EEF2: variants seen among roughly 807,000 people sequenced by gnomAD.
EEF2 encodes eukaryotic translation elongation factor 2.
EEF2 carries 21 observed loss-of-function variants against 85.3 expected under a neutral mutation model. The observed-to-expected ratio is 0.25, with a 90% CI of 0.17 to 0.35. The LOEUF is 0.35. Among genes scored for constraint, EEF2 ranks in the 10% least tolerant of loss-of-function variants. The pLI is 1.00. For missense variants in EEF2, 825 were observed against 1,225.3 expected, an observed-to-expected ratio of 0.67 and a Z score of 4.88; for synonymous variants, 723 against 508.8, an observed-to-expected ratio of 1.42 and a Z score of -5.67.
chr19:3,976,756 G>C lies in EEF2; in HGVS notation c.2384-9C>G. 1 of 1,546,416 alleles carries C rather than the reference G, an allele frequency of 6.5e-7. No individual in the cohort carries two copies. Among genetic ancestry groups the C allele is most frequent in the South Asian group, 1.2e-5 (1 of 82,820 alleles). ...CAGGTCAGCGGTGAAGCCTGCAGAG[G>C]GAAGCGAGAGGCTCACTGGGCCATC... On this transcript the variant is annotated splice_polypyrimidine_tract_variant and intron_variant, in intron 14 of 14. Coordinates refer to ENST00000309311, the MANE Select transcript of EEF2 (RefSeq NM_001961.4).
chr19:3,980,740 T>C, intron 8 of EEF2, 31 bp from the exon 9 acceptor site: 2 of 1,607,932 alleles, frequency 1.2e-6, no homozygotes, highest in East Asian at 2.2e-5. Context: ...GCAAGCTTTA[T>C]TCCAGTGCAG....
Position 3,983,873 on chromosome 19 carries a change from T to C in EEF2, c.218+263A>G, listed in dbSNP as rs80168688. The C allele has an allele frequency of 1.4e-3, 747 of 523,420 alleles. 9 individuals are homozygous for C. The East Asian group carries it at 0.015, about 11-fold the overall frequency. The allele number at this position is 523,420 out of a possible 1,614,324, so 32.4% of individuals were successfully genotyped here. On this transcript the variant is annotated intron_variant, in intron 2 of 14. Coordinates refer to ENST00000309311, the MANE Select transcript of EEF2 (RefSeq NM_001961.4). Reference sequence around the variant, plus strand: ...GACAGCCAAACCTCTCCAGATATTGTAGGAGTGGGGGCAAGTCCCCCAGGG... The same window carrying C: ...GACAGCCAAACCTCTCCAGATATTGCAGGAGTGGGGGCAAGTCCCCCAGGG...
chr19:3,985,394 G>T lies in EEF2; in HGVS notation c.-14C>A. The stretch of plus-strand genomic sequence containing the variant: ...GTTACTCACCATGGTGGCGGATGGC[G>T]GTGGATTCTCCCAGGTAGAACCGAA... On this transcript the variant is annotated 5_prime_UTR_variant, in exon 1 of 15. Coordinates refer to ENST00000309311, the MANE Select transcript of EEF2 (RefSeq NM_001961.4). The T allele has an allele frequency of 6.6e-7, 1 of 1,510,940 alleles. No homozygotes were observed. The highest frequency in any genetic ancestry group is 2.7e-5 in the East Asian group (1 of 37,290). The allele number at this position is 1,510,940 out of a possible 1,614,324, so 93.6% of individuals were successfully genotyped here. A position where few individuals can be genotyped will look rare whatever the true frequency, so the allele number is the denominator to read the frequency against.
intron 2 of EEF2, 182 bp downstream of exon 2, chr19:3,983,954 C>T (rs2039788090): frequency 4.5e-6 from 3 of 662,976 alleles, no homozygotes; most frequent in Middle Eastern, 4.2e-4. Flanking sequence ...GCTCGCAGTA[C>T]CCCGAATCCC....
At chr19:3,983,052 C>T in intron 3 of EEF2, 34 bp from the exon 4 acceptor site, 2 of 1,611,526 alleles carry the variant, frequency 1.2e-6, no homozygotes, top group Non-Finnish European at 1.7e-6. Flanking sequence ...GCGCTGTCAT[C>T]CTCAAGCAAG....
At chr19:3,985,322 G>T in intron 1 of EEF2, 56 bp downstream of exon 1, 2 of 1,408,974 alleles carry the variant, frequency 1.4e-6, no homozygotes, top group Non-Finnish European at 1.9e-6. Flanking sequence ...AGGCAGCGTA[G>T]GCCCCGCGGA....
At chr19:3,981,633 C>G (rs2039748574) in intron 6 of EEF2, among the ~76,000 whole-genome samples, 181 bp from the exon 7 acceptor site, 1 of 152,202 alleles carries the variant, frequency 6.6e-6, no homozygotes. Flanking sequence ...GAGGAAACCT[C>G]GTGGTGGAGC....
intron 11 of EEF2, 49 bp downstream of exon 11, chr19:3,979,280 G>A (rs776878393): frequency 4.1e-6 from 6 of 1,455,726 alleles, no homozygotes; most frequent in South Asian, 3.4e-5. Context: ...AAAGCAGAGG[G>A]CAGGTGTCCG....
intron 7 of EEF2, 132 bp from the exon 8 acceptor site, chr19:3,981,111 G>T (rs2039740441): frequency 7.1e-7 from 1 of 1,412,362 alleles, no homozygotes; most frequent in South Asian, 1.4e-5. Flanking sequence ...GTCCCTTCTG[G>T]AAGGCGGCAA....
In EEF2 at chr19:3,976,443, G is replaced by GGGGAGCGTCGCTGTGTC. The variant is rs1278648617; in HGVS notation, c.*94_*110dup. On this transcript the variant is annotated 3_prime_UTR_variant, in exon 15 of 15. Coordinates refer to ENST00000309311, the MANE Select transcript of EEF2 (RefSeq NM_001961.4). ...CGCAGCGGGCCCCAGAAACCTCTCA[G>GGGGAGCGTCGCTGTGTC]GGGAGCGTCGCTGTGTCGGGACAGT... The GGGGAGCGTCGCTGTGTC allele has an allele frequency of 1.5e-4, 191 of 1,289,166 alleles. No homozygotes were observed. Among genetic ancestry groups the GGGGAGCGTCGCTGTGTC allele is most frequent in the Middle Eastern group, 1.3e-3 (5 of 3,840 alleles). The allele number at this position is 1,289,166 out of a possible 1,614,324, so 79.9% of individuals were successfully genotyped here.
Position 3,977,164 on chromosome 19 carries a change from C to G in EEF2, c.2383+51G>C, listed in dbSNP as rs553260662. Reference sequence around the variant, plus strand: ...TTGCTAAGCTTAACTGGGCTTCTGTCCCCCAAACCAGCCTGCCAGGCTCTG... The same window carrying G: ...TTGCTAAGCTTAACTGGGCTTCTGTGCCCCAAACCAGCCTGCCAGGCTCTG... On this transcript the variant is annotated intron_variant, in intron 14 of 14. Coordinates refer to ENST00000309311, the MANE Select transcript of EEF2 (RefSeq NM_001961.4). This position sits in a 1 kb window ranked among gnomAD's most constrained non-coding sequence, Gnocchi z 5.4. The G allele has an allele frequency of 1.3e-6, 2 of 1,594,454 alleles. No homozygotes were observed. The highest frequency in any genetic ancestry group is 1.7e-6 in the Non-Finnish European group (2 of 1,168,724).
Position 3,981,451 on chromosome 19 carries a change from A to G in EEF2, c.899T>C (p.Val300Ala). Residue 300 changes from valine (V) to alanine (A), a missense_variant and splice_region_variant, in exon 7 of 15, where the codon GTG becomes GCG. By Grantham distance (64) the Val-to-Ala change is moderately conservative. Transcript: ENST00000309311. ...CQLILDPIFK[V>A]FDAIMNFKKE... is the part of the protein sequence containing the mutation. The stretch of plus-strand genomic sequence containing the variant: ...CTTGAAATTCATGATCGCATCAAAC[A>G]CCTACATTCCCCACCAAGAAACAAG... The G allele has an allele frequency of 6.2e-7, 1 of 1,613,258 alleles. No individual in the cohort carries two copies. Among genetic ancestry groups the G allele is most frequent in the Non-Finnish European group, 8.5e-7 (1 of 1,179,478 alleles).
At position 3,985,432 on chromosome 19, in the gene EEF2, C is replaced by T. The variant is rs767423489; in HGVS notation, c.-52G>A. 5 of 1,462,174 alleles carry T rather than the reference C, an allele frequency of 3.4e-6. No homozygotes were observed. Among genetic ancestry groups the T allele is most frequent in the African/African-American group, 1.4e-5 (1 of 69,234 alleles). 90.6% of individuals were successfully genotyped at this position (1,462,174 alleles called of 1,614,324 possible). A position where few individuals can be genotyped will look rare whatever the true frequency, so the allele number is the denominator to read the frequency against. On this transcript the variant is annotated 5_prime_UTR_variant, in exon 1 of 15. Transcript: ENST00000309311. The stretch of plus-strand genomic sequence containing the variant: ...AGGTAGAACCGAAAGAAGCGAGTCG[C>T]GCCGAGGATGGCGGCGACGACGGCG...
chr19:3,979,217 C>A, intron 11 of EEF2, 112 bp downstream of exon 11: 1 of 791,044 alleles, frequency 1.3e-6, no homozygotes, highest in Non-Finnish European at 2.1e-6. Context: ...GAAGCTGAGA[C>A]CAAGACCGAG....
chr19:3,976,531 G>T lies in EEF2; in HGVS notation c.*23C>A. ...GTGGGTGCTGCGAGTCCCCGGGGCG[G>T]CAGGCGCTGCAGGAAGGGCCGCCTA... On this transcript the variant is annotated 3_prime_UTR_variant, in exon 15 of 15. Transcript: ENST00000309311. 6.3e-7 allele frequency: 1 copy of T among 1,585,376 alleles called. No homozygotes were observed.
chr19:3,983,419 C>A, intron 2 of EEF2, 128 bp from the exon 3 acceptor site: 2 of 1,007,842 alleles, frequency 2.0e-6, no homozygotes, highest in Non-Finnish European at 2.9e-6. Context: ...CCACAAGAGC[C>A]AACCCACCCT....
rs368270729 is a variant in EEF2 at position 3,981,464 on chromosome 19, A to C, written c.898-12T>G. The C allele has an allele frequency of 2.2e-5, 36 of 1,609,760 alleles. No individual in the cohort carries two copies. Among genetic ancestry groups the C allele is most frequent in the Non-Finnish European group, 3.1e-5 (36 of 1,177,142 alleles). On this transcript the variant is annotated splice_polypyrimidine_tract_variant and intron_variant, in intron 6 of 14. Transcript: ENST00000309311. ...ATCGCATCAAACACCTACATTCCCCACCAAGAAACAAGAAAGCCCATTTGG... is the reference window on the plus strand; with the variant it reads ...ATCGCATCAAACACCTACATTCCCCCCCAAGAAACAAGAAAGCCCATTTGG...
Position 3,978,831 on chromosome 19 carries a change from A to AAAAAAAAG in EEF2, c.1713+497_1713+498insCTTTTTTT, listed in dbSNP as rs1568199563. Reference sequence around the variant, plus strand: ...AAAAAAAAAAAAAAAAAAAAAAAAAATAGCCCTGGGCCAGGCATGGTGGCT... The same window carrying AAAAAAAAG: ...AAAAAAAAAAAAAAAAAAAAAAAAAAAAAAAAAGTAGCCCTGGGCCAGGCATGGTGGCT... On this transcript the variant is annotated intron_variant, in intron 11 of 14. Coordinates refer to ENST00000309311, the MANE Select transcript of EEF2 (RefSeq NM_001961.4). 2.8e-4 allele frequency among the ~76,000 whole-genome samples: 37 copies of AAAAAAAAG among 131,962 alleles called. 1 individual carries two copies. The highest frequency in any genetic ancestry group is 4.7e-4 in the Non-Finnish European group (29 of 62,294). 86.6% of individuals were successfully genotyped at this position (131,962 alleles called of 152,430 possible).
chr19:3,985,165 G>T, intron 1 of EEF2: 2 of 473,798 alleles, frequency 4.2e-6, no homozygotes, highest in African/African-American at 2.0e-5. Flanking sequence ...GTCTGGGCAA[G>T]GTTATGGCGC....
Sources: gnomAD v4.1 joint callset for allele counts (sites outside exome capture counted in the v4.1 genomes callset) on GRCh38, gnomAD v4.1.1 for gene constraint, Gnocchi (gnomAD v3.1) non-coding constraint, MANE v1.5 for transcripts, NCBI Gene and HGNC (gene_info 2026-07-23, HGNC 2026-07-21) for gene names.